Variants in AOPEP observed in about 807,000 individuals in gnomAD.
AOPEP encodes aminopeptidase O.
Under a neutral mutation model 98.1 loss-of-function variants are expected in AOPEP, and 77 were observed. That is an observed-to-expected ratio of 0.78 (90% CI 0.65 to 0.95). AOPEP has a LOEUF of 0.95. Ranked by LOEUF, AOPEP falls within the 40% of genes least tolerant of loss-of-function variation. The probability of loss-of-function intolerance (pLI) is 0.00; values close to 1 mark genes in which losing one functional copy is unlikely to be tolerated. For missense variants in AOPEP, 1,024 were observed against 1,024.7 expected, an observed-to-expected ratio of 1.00 and a Z score of 0.01; for synonymous variants, 346 against 365.3, an observed-to-expected ratio of 0.95 and a Z score of 0.60.
chr9:95,010,450 C>G (rs894975268), intron 13 of AOPEP, among the ~76,000 whole-genome samples: 1 of 152,146 alleles, frequency 6.6e-6, no homozygotes, highest in East Asian at 1.9e-4. Context: ...AGCTGAGGGT[C>G]CCTTCACTTT....
chr9:94,752,357 TCTCACA>T (rs1464801707), intron 1 of AOPEP, among the ~76,000 whole-genome samples: 4 of 142,820 alleles, frequency 2.8e-5, no homozygotes, highest in African/African-American at 1.1e-4. Context: ...TCTCTCTCTC[TCTCACA>T]CACACACACA....
chr9:94,889,987 G>T (rs2048687492), intron 5 of AOPEP, among the ~76,000 whole-genome samples: 1 of 150,124 alleles, frequency 6.7e-6, no homozygotes, highest in Non-Finnish European at 1.5e-5. Context: ...TGAAGTATCT[G>T]TGCATATCTT....
chr9:95,117,231 T>C, the AOPEP span: 1 of 1,183,254 alleles, frequency 8.5e-7, no homozygotes, highest in Non-Finnish European at 1.3e-6. Flanking sequence ...ATGCTGTAGA[T>C]AAGGGCCTGA....
chr9:94,730,231 C>T (rs188420943), intron 1 of AOPEP, among the ~76,000 whole-genome samples: 433 of 151,282 alleles, frequency 2.9e-3, no homozygotes, highest in African/African-American at 9.7e-3. Flanking sequence ...TTGTAGTGAG[C>T]CGAGTTTGCG....
At chr9:95,013,277 G>T (rs57215728) in intron 13 of AOPEP, among the ~76,000 whole-genome samples, 50 of 151,570 alleles carry the variant, frequency 3.3e-4, no homozygotes, top group Non-Finnish European at 5.6e-4. Flanking sequence ...TGTTTTAATG[G>T]TTACTTTGAT....
intron 11 of AOPEP, among the ~76,000 whole-genome samples, chr9:94,994,129 G>A (rs1009070285): frequency 5.3e-5 from 8 of 152,180 alleles, no homozygotes; most frequent in African/African-American, 1.9e-4. Context: ...TATTGCAAAG[G>A]CAGTTGCTCT....
chr9:95,146,949 A>AT, the AOPEP span, among the ~76,000 whole-genome samples: 6 of 151,786 alleles, frequency 4.0e-5, no homozygotes, highest in East Asian at 1.9e-4. Context: ...AGTAATATAT[A>AT]TTTTTTAATT....
At chr9:95,067,587 GT>G (rs956341164) in intron 14 of AOPEP, among the ~76,000 whole-genome samples, 8 of 152,214 alleles carry the variant, frequency 5.3e-5, no homozygotes, top group South Asian at 2.1e-4. Context: ...GCACCAGGTA[GT>G]TTTTCTCGAG....
chr9:94,867,184 C>A (rs1288941972), intron 5 of AOPEP, among the ~76,000 whole-genome samples: 1 of 152,204 alleles, frequency 6.6e-6, no homozygotes, highest in Non-Finnish European at 1.5e-5. Context: ...GTTTATAAAG[C>A]TTTTCTCTGA....
At chr9:94,816,569 T>G (rs914337527) in intron 5 of AOPEP, among the ~76,000 whole-genome samples, 3 of 152,122 alleles carry the variant, frequency 2.0e-5, no homozygotes, top group African/African-American at 7.2e-5. Context: ...AATGCCACTG[T>G]AGGTGACCCT....
At chr9:94,860,487 G>A (rs1259383187) in intron 5 of AOPEP, among the ~76,000 whole-genome samples, 1 of 152,212 alleles carries the variant, frequency 6.6e-6, no homozygotes, top group African/African-American at 2.4e-5. Flanking sequence ...GACAGGAGTA[G>A]TGGCAGTGGA....
In AOPEP at chr9:94,991,523, G is replaced by C. The variant is rs532782921; in HGVS notation, c.1977+12096G>C. Among the ~76,000 whole-genome samples, 2 of 152,306 alleles carry C rather than the reference G, an allele frequency of 1.3e-5. 1 individual carries two copies. Among genetic ancestry groups the C allele is most frequent in the African/African-American group, 4.8e-5 (2 of 41,564 alleles). On this transcript the variant is annotated intron_variant, in intron 11 of 16. Coordinates refer to ENST00000375315, the MANE Select transcript of AOPEP (RefSeq NM_001193329.3). The stretch of plus-strand genomic sequence containing the variant: ...CTATGGCTTGAGTACAGGATTCTAA[G>C]TCTTCAGCCCATCAGACTAAAGCAT...
At chr9:94,818,413 A>G (rs910791544) in intron 5 of AOPEP, among the ~76,000 whole-genome samples, 1 of 152,222 alleles carries the variant, frequency 6.6e-6, no homozygotes, top group African/African-American at 2.4e-5. Flanking sequence ...AAAAATAGGT[A>G]TGGTGACTTA....
chr9:94,885,543 C>G (rs1663749208), intron 5 of AOPEP, among the ~76,000 whole-genome samples: 1 of 152,038 alleles, frequency 6.6e-6, no homozygotes, highest in Non-Finnish European at 1.5e-5. Flanking sequence ...TGGTGTCACT[C>G]CTACTCGCAT....
intron 5 of AOPEP, among the ~76,000 whole-genome samples, chr9:94,877,064 A>G (rs1327419536): frequency 2.0e-5 from 3 of 152,142 alleles, no homozygotes; most frequent in African/African-American, 4.8e-5. Flanking sequence ...TAGTTTATCT[A>G]TTTTAAGGTT....
At chr9:95,121,919 G>A in the AOPEP span, among the ~76,000 whole-genome samples, 3 of 150,300 alleles carry the variant, frequency 2.0e-5, no homozygotes, top group African/African-American at 7.4e-5. Flanking sequence ...GTGCAGTGGC[G>A]CAATCTCAGC....
Position 95,025,896 on chromosome 9 carries a change from C to T in AOPEP, c.2115+20280C>T, listed in dbSNP as rs566600380. Among the ~76,000 whole-genome samples, 250 of 152,196 alleles carry T rather than the reference C, an allele frequency of 1.6e-3. 1 individual carries two copies. Among genetic ancestry groups the T allele is most frequent in the African/African-American group, 5.9e-3 (245 of 41,512 alleles). On this transcript the variant is annotated intron_variant, in intron 13 of 16. Transcript: ENST00000375315. ...TCCCAGGCCCCAGCACTGCCTCCGC[C>T]GGCAGCAAGCAGTAATAAGTAAGCT...
At chr9:94,813,821 A>T (rs1352739936) in intron 5 of AOPEP, among the ~76,000 whole-genome samples, 1 of 152,220 alleles carries the variant, frequency 6.6e-6, no homozygotes, top group South Asian at 2.1e-4. Context: ...AACCAAGAAC[A>T]TTTCATATTC....
intron 11 of AOPEP, among the ~76,000 whole-genome samples, chr9:94,985,140 G>A (rs771309732): frequency 1.3e-5 from 2 of 152,224 alleles, no homozygotes; most frequent in Admixed American, 1.3e-4. Context: ...TCACAGCAGC[G>A]GCAGTGAGGA....
Sources: allele counts gnomAD v4.1 joint callset (sites outside exome capture counted in the v4.1 genomes callset), GRCh38; gene constraint gnomAD v4.1.1; transcripts MANE v1.5; gene names NCBI Gene and HGNC (gene_info 2026-07-23, HGNC 2026-07-21).